CUL4A: variants seen among roughly 807,000 people sequenced by gnomAD.
The protein encoded by CUL4A is cullin 4A, also known as cullin-4A.
A neutral mutation model predicts 95.5 loss-of-function variants in CUL4A; 16 were observed. The observed-to-expected ratio is 0.17, with a 90% CI of 0.11 to 0.25. The LOEUF is 0.25. CUL4A is among the 10% of genes least tolerant of loss of function. CUL4A has a pLI of 1.00. For missense variants in CUL4A, 610 were observed against 937.0 expected (o/e 0.65, Z 4.56); for synonymous variants, 380 against 353.1 (o/e 1.08, Z -0.85).
chr13:113,223,738 T>G (rs2040991155), intron 3 of CUL4A, among the ~76,000 whole-genome samples: 1 of 152,220 alleles, frequency 6.6e-6, no homozygotes, highest in East Asian at 1.9e-4. Flanking sequence ...TTTGATTGTA[T>G]GCTGATATTA....
At chr13:113,208,883 G>A, upstream of CUL4A, 1 of 1,396,704 alleles carries the variant, frequency 7.2e-7, no homozygotes, top group Non-Finnish European at 9.2e-7. Context: ...GTTCGGGCCC[G>A]CCCGGGCTGA....
At chr13:113,252,701 C>T (rs1420000157) in intron 15 of CUL4A, among the ~76,000 whole-genome samples, 1 of 152,176 alleles carries the variant, frequency 6.6e-6, no homozygotes, top group Non-Finnish European at 1.5e-5. Context: ...CCGCTCATTG[C>T]CGGGAACACC....
chr13:113,250,900 A>G (rs1310431899), intron 15 of CUL4A, among the ~76,000 whole-genome samples: 2 of 152,118 alleles, frequency 1.3e-5, no homozygotes, highest in Non-Finnish European at 2.9e-5. Context: ...TGATTTATAC[A>G]TGTGGTTTCA....
At chr13:113,208,583 C>A, upstream of CUL4A, 4 of 1,607,312 alleles carry the variant, frequency 2.5e-6, no homozygotes, top group Non-Finnish European at 3.4e-6. Context: ...CCGCGCGCTC[C>A]CCGGCTAGGA....
At chr13:113,250,150 C>G (rs2041957420) in intron 15 of CUL4A, among the ~76,000 whole-genome samples, 1 of 152,036 alleles carries the variant, frequency 6.6e-6, no homozygotes, top group South Asian at 2.1e-4. Flanking sequence ...GAAACCATTG[C>G]CAAATCAAGA....
rs149420267 is a variant in CUL4A, at chr13:113,234,092, T to C, written c.765+106T>C. 121 of 645,976 alleles carry C rather than the reference T, an allele frequency of 1.9e-4. No individual in the cohort carries two copies. The East Asian group carries it at 2.2e-3, about 12-fold the overall frequency. 40.0% of individuals were successfully genotyped at this position (645,976 alleles called of 1,614,324 possible). The stretch of plus-strand genomic sequence containing the variant: ...TTTTCACACACATGCAAATGTTTCA[T>C]TGAAAATCTTCTGAAAGCTGCAATC... On this transcript the variant is annotated intron_variant, in intron 7 of 19. Transcript: ENST00000375440.
At chr13:113,208,409 G>T, upstream of CUL4A, 2 of 1,480,822 alleles carry the variant, frequency 1.4e-6, no homozygotes, top group Non-Finnish European at 1.8e-6. Flanking sequence ...CCCTGCAGGG[G>T]AGAACTCGGG....
chr13:113,208,621 G>C (rs781253894), upstream of CUL4A: 14 of 1,608,380 alleles, frequency 8.7e-6, no homozygotes, highest in East Asian at 3.1e-4. Context: ...CTGGTTAATG[G>C]TAATGTGCGC....
chr13:113,219,324 A>G, intron 3 of CUL4A: 2 of 305,534 alleles, frequency 6.5e-6, no homozygotes, highest in South Asian at 4.8e-5. Context: ...TATTCTAATA[A>G]ACACCATCTG....
At chr13:113,221,644 T>C (rs1869380939) in intron 3 of CUL4A, among the ~76,000 whole-genome samples, 1 of 152,210 alleles carries the variant, frequency 6.6e-6, no homozygotes, top group Non-Finnish European at 1.5e-5. Context: ...AGTGGCACGA[T>C]CTCGGCTCAC....
At chr13:113,245,855 A>C (rs909927479) in intron 14 of CUL4A, 101 bp from the exon 15 acceptor site, 6 of 894,522 alleles carry the variant, frequency 6.7e-6, no homozygotes, top group Non-Finnish European at 1.0e-5. Flanking sequence ...ATTCTAACAC[A>C]GATGAAACTT....
chr13:113,209,089 G>A (rs1307978243), upstream of CUL4A: 4 of 171,640 alleles, frequency 2.3e-5, no homozygotes, highest in Non-Finnish European at 3.4e-5. Context: ...CTCATAAGGT[G>A]CCTCCGCCGC....
In CUL4A at chr13:113,260,788, T is replaced by C. The variant is rs116423565; in HGVS notation, c.2184+29T>C. 1.7e-3 allele frequency: 2,474 copies of C among 1,478,688 alleles called. 41 individuals carry two copies. The African/African-American group carries it at 0.031, about 19-fold the overall frequency. 91.6% of individuals were successfully genotyped at this position (1,478,688 alleles called of 1,614,324 possible). Reference sequence around the variant, plus strand: ...AATGTAACATTAGCATAATTAAATTTGTAGTATTTGCTAAACAATTGACAA... The same window carrying C: ...AATGTAACATTAGCATAATTAAATTCGTAGTATTTGCTAAACAATTGACAA... On this transcript the variant is annotated intron_variant, in intron 19 of 19. Coordinates refer to ENST00000375440, the MANE Select transcript of CUL4A (RefSeq NM_001008895.4).
chr13:113,208,721 C>T (rs1456813160), upstream of CUL4A: 1 of 1,507,504 alleles, frequency 6.6e-7, no homozygotes, highest in African/African-American at 1.4e-5. Context: ...CGTCTGGGTC[C>T]TGGCGCCCCC....
In CUL4A at chr13:113,265,982, A is replaced by G. The variant is rs1324815750; in HGVS notation, c.*2400A>G. 1 of 152,210 alleles carries G rather than the reference A, an allele frequency of 6.6e-6. No homozygotes were observed. Among genetic ancestry groups the G allele is most frequent in the Non-Finnish European group, 1.5e-5 (1 of 68,042 alleles). 9.4% of individuals were successfully genotyped at this position (152,210 alleles called of 1,614,324 possible). On this transcript the variant is annotated 3_prime_UTR_variant, in exon 20 of 20. Transcript: ENST00000375440. The stretch of plus-strand genomic sequence containing the variant: ...ACACAAAATTAACAAAAACATCAGT[A>G]GCTTTCCTATAAATATAGGCTATAA...
intron 15 of CUL4A, among the ~76,000 whole-genome samples, chr13:113,248,324 A>AT (rs2041908146): frequency 6.6e-6 from 1 of 151,744 alleles, no homozygotes; most frequent in East Asian, 1.9e-4. Context: ...CACCCCCTTT[A>AT]TTTACTTATT....
At chr13:113,247,704 C>T (rs1411410090) in intron 15 of CUL4A, among the ~76,000 whole-genome samples, 1 of 152,196 alleles carries the variant, frequency 6.6e-6, no homozygotes, top group Admixed American at 6.5e-5. Context: ...GAAAGCCAGG[C>T]AGCCTGCTTT....
At chr13:113,239,129 G>A (rs2041631383) in intron 9 of CUL4A, among the ~76,000 whole-genome samples, 1 of 152,130 alleles carries the variant, frequency 6.6e-6, no homozygotes, top group Non-Finnish European at 1.5e-5. Context: ...GAACCTCCCA[G>A]GTTAAATAGT....
Position 113,266,890 on chromosome 13 carries a change from A to C in CUL4A, c.*3308A>C, listed in dbSNP as rs1267639559. ...TTTGTAAATTGACTATTATTGTATA[A>C]ATTTATAGAGTATAAAGTGATCTTA... On this transcript the variant is annotated 3_prime_UTR_variant, in exon 20 of 20. Coordinates refer to ENST00000375440, the MANE Select transcript of CUL4A (RefSeq NM_001008895.4). The C allele has an allele frequency of 6.6e-6, 1 of 152,216 alleles. No individual in the cohort carries two copies. Among genetic ancestry groups the C allele is most frequent in the Non-Finnish European group, 1.5e-5 (1 of 68,046 alleles). 9.4% of individuals were successfully genotyped at this position (152,216 alleles called of 1,614,324 possible). A position where few individuals can be genotyped will look rare whatever the true frequency, so the allele number is the denominator to read the frequency against.
Sources: allele counts gnomAD v4.1 joint callset (sites outside exome capture counted in the v4.1 genomes callset), GRCh38; gene constraint gnomAD v4.1.1; transcripts MANE v1.5; gene names NCBI Gene and HGNC (gene_info 2026-07-23, HGNC 2026-07-21).